Variants in PDZK1 observed in about 807,000 individuals in gnomAD.
PDZK1 encodes PDZ domain containing 1.
A neutral mutation model predicts 38.1 loss-of-function variants in PDZK1; 23 were observed. That is an observed-to-expected ratio of 0.60 (90% CI 0.43 to 0.85). PDZK1 has a LOEUF of 0.85. PDZK1 is among the 40% of genes least tolerant of loss of function. The probability of loss-of-function intolerance (pLI) is 0.00; values close to 1 mark genes in which losing one functional copy is unlikely to be tolerated. For missense variants in PDZK1, 297 were observed against 504.3 expected (o/e 0.59, Z 3.94); for synonymous variants, 98 against 186.2 (o/e 0.53, Z 3.86).
chr1:145,687,689 T>C lies in PDZK1; in HGVS notation c.210+123A>G, dbSNP rs1571613152. The C allele has an allele frequency of 6.5e-6, 5 of 768,500 alleles. No homozygotes were observed. In the South Asian group the frequency reaches 7.7e-5, roughly 12 times the overall value. 47.6% of individuals were successfully genotyped at this position (768,500 alleles called of 1,614,324 possible). On this transcript the variant is annotated intron_variant, in intron 2 of 8. Coordinates refer to ENST00000417171, the MANE Select transcript of PDZK1 (RefSeq NM_001201325.2). ...AACACAAGGTACAGCAATAAAGGTG[T>C]CCTGCCTTGCCAGTGGCAGCCAGGA...
chr1:145,681,228 G>T, intron 4 of PDZK1, 121 bp from the exon 5 acceptor site: 1 of 458,926 alleles, frequency 2.2e-6, no homozygotes, highest in East Asian at 4.2e-5. Flanking sequence ...GGGATGAAAG[G>T]CCTGAGTTTA....
chr1:145,686,221 A>C (rs1654758253), intron 3 of PDZK1, among the ~76,000 whole-genome samples: 2 of 151,904 alleles, frequency 1.3e-5, no homozygotes, highest in Non-Finnish European at 1.5e-5. Context: ...CCTGACAAAC[A>C]CTCAGGGACA....
rs1196925467 is a variant in PDZK1, at chr1:145,690,911, T to C, written c.-2-2888A>G. On this transcript the variant is annotated intron_variant, in intron 1 of 8. Transcript: ENST00000417171. Reference sequence around the variant, plus strand: ...TTGAAGTTTTCAAACAGCCAGATGGTAATCGCTCAGATCTGCATCTATGGC... The same window carrying C: ...TTGAAGTTTTCAAACAGCCAGATGGCAATCGCTCAGATCTGCATCTATGGC... Among the ~76,000 whole-genome samples the C allele has an allele frequency of 2.0e-5, 3 of 152,208 alleles. No homozygotes were observed. The East Asian group carries it at 5.8e-4, about 29-fold the overall frequency.
At chr1:145,686,395 A>G in intron 3 of PDZK1, 82 bp downstream of exon 3, 1 of 1,525,734 alleles carries the variant, frequency 6.6e-7, no homozygotes, top group Non-Finnish European at 8.9e-7. Flanking sequence ...AAGAAAAGTC[A>G]TTAACCAGTA....
chr1:145,693,731 G>GC (rs1438274705), intron 1 of PDZK1, among the ~76,000 whole-genome samples: 5 of 151,616 alleles, frequency 3.3e-5, no homozygotes, highest in African/African-American at 1.2e-4. Flanking sequence ...CTGAGATCAG[G>GC]CCACTGAACT....
intron 5 of PDZK1, among the ~76,000 whole-genome samples, chr1:145,678,900 T>C (rs1166601915): frequency 8.7e-5 from 13 of 149,724 alleles, no homozygotes; most frequent in African/African-American, 3.2e-4. Flanking sequence ...ATCCTGTTAC[T>C]AAAAGCGTCT....
chr1:145,692,547 C>T (rs1226243819), intron 1 of PDZK1, among the ~76,000 whole-genome samples: 6 of 151,016 alleles, frequency 4.0e-5, no homozygotes, highest in African/African-American at 1.5e-4. Flanking sequence ...CCCGTCTCTA[C>T]TAAAAATACA....
chr1:145,671,235 A>G lies in PDZK1; in HGVS notation c.*201T>C, dbSNP rs1266274686. The G allele has an allele frequency of 9.1e-6, 10 of 1,097,442 alleles. No homozygotes were observed. The highest frequency in any genetic ancestry group is 1.2e-5 in the Non-Finnish European group (10 of 821,058). The allele number at this position is 1,097,442 out of a possible 1,614,324, so 68.0% of individuals were successfully genotyped here. ...CTCTTGCCTTATCTCTTCCTAAGTT[A>G]AGCATAAATTAGCCGTCTGCAATAG... is the stretch of plus-strand genomic sequence containing the variant. On this transcript the variant is annotated 3_prime_UTR_variant, in exon 9 of 9. Coordinates refer to ENST00000417171, the MANE Select transcript of PDZK1 (RefSeq NM_001201325.2).
rs1238021776 is a variant in PDZK1 at position 145,686,878 on chromosome 1, A to T, written c.211-152T>A. ...AGCAGGTAGTTCCTCAGCCACCTCC[A>T]TCCCTGCCCTCCCGAGATCCAGGTG... On this transcript the variant is annotated intron_variant, in intron 2 of 8. Transcript: ENST00000417171. 7.9e-6 allele frequency: 8 copies of T among 1,010,778 alleles called. No individual in the cohort carries two copies. In the East Asian group the frequency reaches 1.9e-4, roughly 24 times the overall value. 62.6% of individuals were successfully genotyped at this position (1,010,778 alleles called of 1,614,324 possible).
intron 1 of PDZK1, 21 bp from the exon 2 acceptor site, chr1:145,688,044 T>A: frequency 6.3e-7 from 1 of 1,583,004 alleles, no homozygotes; most frequent in Non-Finnish European, 8.7e-7. Context: ...AAAAATAAAT[T>A]AATAAAACCA....
chr1:145,696,826 G>A (rs781887416), intron 1 of PDZK1, among the ~76,000 whole-genome samples: 25 of 152,186 alleles, frequency 1.6e-4, no homozygotes, highest in Admixed American at 2.6e-4. Flanking sequence ...GTAGTCATGA[G>A]GAATGAGATG....
chr1:145,703,567 T>C (rs1656087989), intron 1 of PDZK1, among the ~76,000 whole-genome samples: 1 of 152,080 alleles, frequency 6.6e-6, no homozygotes, highest in South Asian at 2.1e-4. Context: ...CTGGATTCCT[T>C]CCACCATCTA....
At chr1:145,677,910 T>TAAAAAAAAAAAAAAA in intron 6 of PDZK1, among the ~76,000 whole-genome samples, 1 of 68,602 alleles carries the variant, frequency 1.5e-5, no homozygotes. Context: ...GTGTTAAAAG[T>TAAAAAAAAAAAAAAA]AAAAAAAAAA....
chr1:145,695,835 T>C (rs1306366989), intron 1 of PDZK1, among the ~76,000 whole-genome samples: 4 of 152,218 alleles, frequency 2.6e-5, no homozygotes, highest in Non-Finnish European at 5.9e-5. Context: ...GTGGAGGAAC[T>C]ACAGAGAGGA....
At chr1:145,705,553 T>C (rs1656197284) in intron 1 of PDZK1, among the ~76,000 whole-genome samples, 1 of 152,172 alleles carries the variant, frequency 6.6e-6, no homozygotes, top group Non-Finnish European at 1.5e-5. Context: ...ACCTTATACT[T>C]GGCCAACTGA....
intron 1 of PDZK1, among the ~76,000 whole-genome samples, chr1:145,693,419 T>A (rs1655398583): frequency 6.6e-6 from 1 of 152,064 alleles, no homozygotes; most frequent in Non-Finnish European, 1.5e-5. Context: ...AGGCCCCACC[T>A]CAGGTCTAAA....
rs1553698255 is a variant in PDZK1, at chr1:145,672,767, A to C, written c.1469T>G (p.Val490Gly). The C allele has an allele frequency of 5.6e-6, 9 of 1,611,910 alleles. No homozygotes were observed. Among genetic ancestry groups the C allele is most frequent in the Non-Finnish European group, 7.6e-6 (9 of 1,179,792 alleles). ...TPPDSKEGIV[V>G]ESNHDSHMAK... ...CATGTGCGAGTCATGGTTTGACTCC[A>C]CCACTATTCCTTCTTTAGAATCTGG... is the stretch of plus-strand genomic sequence containing the variant. Residue 490 changes from valine to glycine, a missense_variant, in exon 8 of 9, where the codon GTG (valine) becomes GGG (glycine). By Grantham distance (109) the Val-to-Gly change is moderately radical. Around this residue, in one of 5 missense-constraint regions of PDZK1, gnomAD observed 54 missense variants for 72.1 expected, o/e 0.75. Transcript: ENST00000417171.
intron 1 of PDZK1, among the ~76,000 whole-genome samples, chr1:145,705,974 G>A (rs1318246181): frequency 6.6e-6 from 1 of 152,020 alleles, no homozygotes; most frequent in Non-Finnish European, 1.5e-5. Context: ...GGCTGGTCTC[G>A]AACTCCTGGC....
chr1:145,702,450 C>T (rs1656011723), intron 1 of PDZK1, among the ~76,000 whole-genome samples: 1 of 152,034 alleles, frequency 6.6e-6, no homozygotes, highest in Admixed American at 6.6e-5. Context: ...CCCAAATCGA[C>T]ATTTTGTGAC....
Sources: allele counts gnomAD v4.1 joint callset (sites outside exome capture counted in the v4.1 genomes callset), GRCh38; gene constraint gnomAD v4.1.1; regional missense constraint gnomAD v4.1.1; transcripts MANE v1.5; gene names NCBI Gene and HGNC (gene_info 2026-07-23, HGNC 2026-07-21).